Variants in ABHD12 observed in about 807,000 individuals in gnomAD.
The protein encoded by ABHD12 is abhydrolase domain containing 12, lysophospholipase.
ABHD12 carries 43 observed loss-of-function variants against 58.3 expected under a neutral mutation model. The ratio of observed to expected loss-of-function variants is 0.74; its 90% CI spans 0.58 to 0.95. The LOEUF (loss-of-function observed/expected upper bound fraction) is 0.95, where lower values mean the gene tolerates loss of function less well. ABHD12 is among the 40% of genes least tolerant of loss of function. The pLI, the probability that ABHD12 is intolerant of heterozygous loss-of-function variation, is 0.00. For missense variants in ABHD12, 539 were observed against 537.2 expected, an observed-to-expected ratio of 1.00 and a Z score of -0.03; for synonymous variants, 219 against 211.2, an observed-to-expected ratio of 1.04 and a Z score of -0.32.
chr20:25,382,612 T>C (rs1001131583), intron 1 of ABHD12, among the ~76,000 whole-genome samples: 4 of 152,106 alleles, frequency 2.6e-5, no homozygotes, highest in African/African-American at 4.8e-5. Flanking sequence ...CCATCGCTGT[T>C]AGCACAAACC....
intron 2 of ABHD12, among the ~76,000 whole-genome samples, chr20:25,333,925 CAT>C (rs996391437): frequency 1.8e-4 from 28 of 152,316 alleles, no homozygotes; most frequent in African/African-American, 6.7e-4. Flanking sequence ...TCTCACCACT[CAT>C]ATTCAACACA....
At chr20:25,383,319 G>A (rs1230312171) in intron 1 of ABHD12, among the ~76,000 whole-genome samples, 2 of 152,168 alleles carry the variant, frequency 1.3e-5, no homozygotes, top group Non-Finnish European at 2.9e-5. Context: ...TACGTATGAG[G>A]GTGATCTGGC....
chr20:25,310,634 T>G (rs1384560100), intron 6 of ABHD12, among the ~76,000 whole-genome samples: 1 of 151,194 alleles, frequency 6.6e-6, no homozygotes, highest in Non-Finnish European at 1.5e-5. Flanking sequence ...TATGGGGACA[T>G]GAGACAGAAA....
At chr20:25,345,721 C>G (rs1017078129) in intron 1 of ABHD12, among the ~76,000 whole-genome samples, 1 of 152,058 alleles carries the variant, frequency 6.6e-6, no homozygotes, top group African/African-American at 2.4e-5. Context: ...CAGAGAAAGG[C>G]AAATTAAAAC....
chr20:25,372,947 T>C (rs1045831221), intron 1 of ABHD12, among the ~76,000 whole-genome samples: 5 of 152,222 alleles, frequency 3.3e-5, no homozygotes, highest in African/African-American at 7.2e-5. Flanking sequence ...CTGTTTTTTA[T>C]CTTTTATATT....
downstream of ABHD12, among the ~76,000 whole-genome samples, chr20:25,296,101 G>A (rs569811547): frequency 2.0e-5 from 3 of 152,232 alleles, no homozygotes; most frequent in East Asian, 1.9e-4. Flanking sequence ...TATCCCTATC[G>A]TCGTCCTGGG....
At chr20:25,303,154 G>A in intron 11 of ABHD12, 9 of 998,976 alleles carry the variant, frequency 9.0e-6, no homozygotes, top group Non-Finnish European at 1.1e-5. Context: ...GGGCTTGGGA[G>A]ATCCTCATCA....
intron 1 of ABHD12, among the ~76,000 whole-genome samples, chr20:25,388,079 A>AT (rs1264658003): frequency 2.6e-5 from 4 of 151,310 alleles, no homozygotes; most frequent in Non-Finnish European, 4.4e-5. Context: ...TCATCCTACA[A>AT]AAAAAAAGAG....
chr20:25,355,766 C>T (rs2089659510), intron 1 of ABHD12, among the ~76,000 whole-genome samples: 1 of 152,146 alleles, frequency 6.6e-6, no homozygotes. Context: ...ACCATGTTGG[C>T]CAGGATGGTC....
intron 2 of ABHD12, among the ~76,000 whole-genome samples, chr20:25,336,294 A>G (rs2089367029): frequency 7.7e-6 from 1 of 129,200 alleles, no homozygotes; most frequent in Non-Finnish European, 1.6e-5. Context: ...TCTTATTTAT[A>G]CTATTCAGGG....
intron 2 of ABHD12, among the ~76,000 whole-genome samples, chr20:25,325,487 C>T (rs962708377): frequency 6.6e-6 from 1 of 152,172 alleles, no homozygotes; most frequent in African/African-American, 2.4e-5. Context: ...GGATACTAAC[C>T]CAACATGACT....
chr20:25,309,289 T>C (rs1231042639), intron 7 of ABHD12, among the ~76,000 whole-genome samples, 157 bp downstream of exon 7: 1 of 152,106 alleles, frequency 6.6e-6, no homozygotes, highest in Non-Finnish European at 1.5e-5. Context: ...TCTTTGTAAC[T>C]TCCCCTCCTG....
downstream of ABHD12, among the ~76,000 whole-genome samples, chr20:25,295,280 C>T (rs932801781): frequency 1.3e-4 from 20 of 152,264 alleles, no homozygotes; most frequent in Non-Finnish European, 1.3e-4. Context: ...CCACTGTCTG[C>T]CCAGGAGGCC....
intron 1 of ABHD12, among the ~76,000 whole-genome samples, chr20:25,388,625 G>A (rs572083390): frequency 6.6e-6 from 1 of 152,170 alleles, no homozygotes; most frequent in East Asian, 1.9e-4. Context: ...ACCCCTAACA[G>A]CCTTTTGCTT....
Position 25,363,559 on chromosome 20 carries a change from C to T in ABHD12, c.192-24208G>A, listed in dbSNP as rs1344506541. Among the ~76,000 whole-genome samples, 2 of 152,010 alleles carry T rather than the reference C, an allele frequency of 1.3e-5. 1 individual carries two copies. The highest frequency in any genetic ancestry group is 1.3e-4 in the Admixed American group (2 of 15,242). On this transcript the variant is annotated intron_variant, in intron 1 of 12. Transcript: ENST00000339157. ...ATAATGTTGGTTGATGAGATGGATG[C>T]CTTTAATCAATATTTAATTTTAAGG...
intron 2 of ABHD12, among the ~76,000 whole-genome samples, chr20:25,335,889 A>C (rs2089359148): frequency 6.6e-6 from 1 of 150,938 alleles, no homozygotes; most frequent in African/African-American, 2.4e-5. Context: ...GCACACCAGC[A>C]TGGCACATGT....
At chr20:25,328,104 G>GAA (rs770049229) in intron 2 of ABHD12, among the ~76,000 whole-genome samples, 3 of 136,594 alleles carry the variant, frequency 2.2e-5, no homozygotes, top group African/African-American at 5.4e-5. Context: ...CAGTCTCCTG[G>GAA]AAAAAAAAAA....
At chr20:25,327,688 A>C (rs1248171409) in intron 2 of ABHD12, among the ~76,000 whole-genome samples, 1 of 152,148 alleles carries the variant, frequency 6.6e-6, no homozygotes, top group African/African-American at 2.4e-5. Flanking sequence ...TTGCCTGGGG[A>C]CTAGACTGCC....
chr20:25,296,667 T>C (rs1380564931), downstream of ABHD12: 2 of 1,133,692 alleles, frequency 1.8e-6, no homozygotes, highest in East Asian at 5.1e-5. Flanking sequence ...GGGGTCAGGG[T>C]GGTTTTGAGA....
Sources: gnomAD v4.1 joint callset for allele counts (sites outside exome capture counted in the v4.1 genomes callset) on GRCh38, gnomAD v4.1.1 for gene constraint, MANE v1.5 for transcripts, NCBI Gene and HGNC (gene_info 2026-07-23, HGNC 2026-07-21) for gene names.